The following TBC1D5 variants were observed in gnomAD, a reference collection of about 807,000 sequenced individuals.
TBC1D5 encodes the protein TBC1 domain family member 5.
Under a neutral mutation model 100.3 loss-of-function variants are expected in TBC1D5, and 75 were observed. The observed-to-expected ratio is 0.75, with a 90% CI of 0.62 to 0.91. The LOEUF (loss-of-function observed/expected upper bound fraction) is 0.91. Among genes scored for constraint, TBC1D5 ranks in the 40% least tolerant of loss-of-function variants. The probability of loss-of-function intolerance (pLI) is 0.00; values close to 1 mark genes in which losing one functional copy is unlikely to be tolerated. For synonymous variants in TBC1D5, 323 were observed against 325.6 expected, an observed-to-expected ratio of 0.99 and a Z score of 0.09; for missense variants, 910 against 942.4, an observed-to-expected ratio of 0.97 and a Z score of 0.45.
chr3:17,586,995 GAAA>G (rs996763813), intron 2 of TBC1D5, among the ~76,000 whole-genome samples: 1 of 151,680 alleles, frequency 6.6e-6, no homozygotes, highest in Admixed American at 6.6e-5. Flanking sequence ...AAACAAATGT[GAAA>G]AAAATTCCAT....
chr3:17,675,750 T>C (rs564737139), intron 1 of TBC1D5, among the ~76,000 whole-genome samples: 1 of 152,282 alleles, frequency 6.6e-6, no homozygotes, highest in South Asian at 2.1e-4. Flanking sequence ...AAAGATTTTT[T>C]TAACCAAATC....
At chr3:17,678,621 C>T (rs1189494071) in intron 1 of TBC1D5, among the ~76,000 whole-genome samples, 4 of 140,400 alleles carry the variant, frequency 2.8e-5, no homozygotes, top group Non-Finnish European at 5.9e-5. Flanking sequence ...CCCTTCTACA[C>T]TGGTGCTGAA....
At chr3:17,700,859 G>A (rs529542836) in intron 1 of TBC1D5, among the ~76,000 whole-genome samples, 1 of 152,100 alleles carries the variant, frequency 6.6e-6, no homozygotes, top group African/African-American at 2.4e-5. Flanking sequence ...TGGAGAAATA[G>A]GAACACTTTT....
chr3:17,631,731 C>T (rs1426815043), intron 1 of TBC1D5, among the ~76,000 whole-genome samples: 6 of 152,148 alleles, frequency 3.9e-5, no homozygotes, highest in Non-Finnish European at 8.8e-5. Context: ...AGAAAAGGAA[C>T]AACAAATGCC....
intron 13 of TBC1D5, among the ~76,000 whole-genome samples, chr3:17,311,258 C>T (rs1393366732): frequency 1.3e-5 from 2 of 151,996 alleles, no homozygotes; most frequent in African/African-American, 4.8e-5. Flanking sequence ...TACTATCAAT[C>T]TTGCTTTATG....
intron 1 of TBC1D5, among the ~76,000 whole-genome samples, chr3:17,657,334 T>C (rs1289806047): frequency 8.8e-5 from 13 of 148,092 alleles, no homozygotes; most frequent in East Asian, 5.9e-4. Flanking sequence ...TCTTTCTTTT[T>C]TTTTTTTTTT....
chr3:17,199,412 T>C (rs1458470841), intron 18 of TBC1D5, among the ~76,000 whole-genome samples: 1 of 152,236 alleles, frequency 6.6e-6, no homozygotes, highest in Non-Finnish European at 1.5e-5. Flanking sequence ...ATTGGTATCA[T>C]GCTGATTTCA....
At chr3:17,626,044 T>C (rs1425258112) in intron 1 of TBC1D5, among the ~76,000 whole-genome samples, 1 of 152,142 alleles carries the variant, frequency 6.6e-6, no homozygotes, top group East Asian at 1.9e-4. Flanking sequence ...CCCAGATATA[T>C]AGCATTATGT....
chr3:17,719,103 A>G (rs945551542), intron 1 of TBC1D5, among the ~76,000 whole-genome samples: 4 of 152,206 alleles, frequency 2.6e-5, no homozygotes, highest in African/African-American at 9.6e-5. Flanking sequence ...TCCTCTCAAT[A>G]CTGCAATAAT....
intron 15 of TBC1D5, among the ~76,000 whole-genome samples, chr3:17,279,108 T>A (rs2596678): frequency 2.6e-5 from 4 of 152,038 alleles, no homozygotes; most frequent in Non-Finnish European, 4.4e-5. Context: ...ATATTTTGCA[T>A]GATACCATAG....
At chr3:17,464,010 G>A (rs563859202) in intron 3 of TBC1D5, among the ~76,000 whole-genome samples, 76 of 136,234 alleles carry the variant, frequency 5.6e-4, no homozygotes, top group African/African-American at 2.0e-3. Context: ...GGAGTGCCAC[G>A]GCGCGATCTT....
intron 3 of TBC1D5, among the ~76,000 whole-genome samples, chr3:17,463,250 G>C (rs1044785267): frequency 6.6e-6 from 1 of 152,118 alleles, no homozygotes; most frequent in African/African-American, 2.4e-5. Flanking sequence ...GTTTCTACAA[G>C]CATTCTGACA....
intron 16 of TBC1D5, among the ~76,000 whole-genome samples, chr3:17,257,831 C>A (rs1235187523): frequency 6.6e-6 from 1 of 152,146 alleles, no homozygotes; most frequent in Admixed American, 6.5e-5. Context: ...AAAATTCGGA[C>A]AACTTGGCAG....
chr3:17,409,639 T>G (rs1043719341), intron 4 of TBC1D5, among the ~76,000 whole-genome samples: 2 of 151,944 alleles, frequency 1.3e-5, no homozygotes, highest in Non-Finnish European at 2.9e-5. Context: ...AGTGAACTCA[T>G]GAATGATGAG....
intron 1 of TBC1D5, among the ~76,000 whole-genome samples, chr3:17,684,481 TGCAA>T (rs1424107894): frequency 6.6e-6 from 1 of 152,084 alleles, no homozygotes; most frequent in African/African-American, 2.4e-5. Context: ...ACTAATTCAC[TGCAA>T]GCAAACACAA....
At chr3:17,461,653 CATGTGTGAGTGTGT>C (rs2095213609) in intron 3 of TBC1D5, among the ~76,000 whole-genome samples, 1 of 149,816 alleles carries the variant, frequency 6.7e-6, no homozygotes, top group Admixed American at 6.7e-5. Context: ...TGTGTGTGTG[CATGTGTGAGTGTGT>C]ATGTGTGTTG....
chr3:17,258,494 A>G lies in TBC1D5; in HGVS notation c.1331+12T>C, dbSNP rs749145618. The G allele has an allele frequency of 6.2e-7, 1 of 1,606,302 alleles. No homozygotes were observed. Among genetic ancestry groups the G allele is most frequent in the Non-Finnish European group, 8.5e-7 (1 of 1,176,496 alleles). On this transcript the variant is annotated intron_variant, in intron 16 of 21. Transcript: ENST00000253692. ...TGTGATTTATAACTATCATCAGAAA[A>G]AGGGGACTTACCGGCTTTTATTCAT... is the stretch of plus-strand genomic sequence containing the variant.
At chr3:17,623,673 A>T (rs1254053419) in intron 2 of TBC1D5, 176 bp downstream of exon 2, 1 of 152,326 alleles carries the variant, frequency 6.6e-6, no homozygotes, top group Non-Finnish European at 1.5e-5. Flanking sequence ...CTGCAATTGT[A>T]GGCCCTGCCC....
chr3:17,302,048 T>C (rs893978378), intron 14 of TBC1D5, among the ~76,000 whole-genome samples: 1 of 152,204 alleles, frequency 6.6e-6, no homozygotes, highest in Admixed American at 6.5e-5. Context: ...TTCTGAAAGC[T>C]AGAAGTCCAA....
Sources: gnomAD v4.1 joint callset for allele counts (sites outside exome capture counted in the v4.1 genomes callset) on GRCh38, gnomAD v4.1.1 for gene constraint, MANE v1.5 for transcripts, NCBI Gene and HGNC (gene_info 2026-07-23, HGNC 2026-07-21) for gene names.